HLCS: variants seen among roughly 807,000 people sequenced by gnomAD.
The protein encoded by HLCS is biotin--protein ligase.
Under a neutral mutation model 75.0 loss-of-function variants are expected in HLCS, and 53 were observed. That is an observed-to-expected ratio of 0.71 (90% confidence interval 0.57 to 0.89). HLCS has a LOEUF of 0.89. HLCS is among the 40% of genes least tolerant of loss of function. The pLI is 0.00. For missense variants in HLCS, 966 were observed against 1,074.0 expected (o/e 0.90, Z 1.41); for synonymous variants, 431 against 428.6 (o/e 1.01, Z -0.07).
chr21:36,756,626 G>A lies in HLCS; in HGVS notation c.2366C>T (p.Thr789Ile), dbSNP rs1274967143. ...RADYLIARVVTVLEKLIKEFQ... is the reference protein window; with the variant it reads ...RADYLIARVVIVLEKLIKEFQ... Reference sequence around the variant, plus strand: ...CTCTTTGATCAGTTTCTCCAGCACAGTCACGACTCTGGCGATGAGATAATC... The same window carrying A: ...CTCTTTGATCAGTTTCTCCAGCACAATCACGACTCTGGCGATGAGATAATC... The change falls in exon 10 of 11, where the codon ACT becomes ATT. Residue 789 changes from threonine (T) to isoleucine (I), a missense_variant. Physicochemically the swap from Thr to Ile is moderately conservative, Grantham distance 89. Transcript: ENST00000674895. 6.2e-7 allele frequency: 1 copy of A among 1,614,180 alleles called. No homozygotes were observed. Among genetic ancestry groups the A allele is most frequent in the Admixed American group, 1.7e-5 (1 of 60,028 alleles).
At chr21:36,762,707 G>A (rs922290378) in intron 8 of HLCS, among the ~76,000 whole-genome samples, 2 of 152,218 alleles carry the variant, frequency 1.3e-5, no homozygotes, top group Non-Finnish European at 2.9e-5. Flanking sequence ...GTAGCTGACT[G>A]CAGAAGAGGG....
At chr21:36,756,270 C>G (rs1317750927) in intron 10 of HLCS, among the ~76,000 whole-genome samples, 1 of 150,210 alleles carries the variant, frequency 6.7e-6, no homozygotes, top group Non-Finnish European at 1.5e-5. Flanking sequence ...AACCCCACCT[C>G]CACTAAAAAT....
chr21:36,786,888 C>T (rs1216243410), intron 6 of HLCS, among the ~76,000 whole-genome samples: 10 of 152,208 alleles, frequency 6.6e-5, no homozygotes, highest in Admixed American at 6.5e-4. Context: ...GATATGAGGC[C>T]TTGGGCCTCT....
At chr21:36,892,602 G>A (rs1020381793) in intron 6 of HLCS, among the ~76,000 whole-genome samples, 4 of 152,212 alleles carry the variant, frequency 2.6e-5, no homozygotes, top group African/African-American at 7.2e-5. Flanking sequence ...CCTTGAGGAA[G>A]AGGTGAGAGT....
intron 6 of HLCS, among the ~76,000 whole-genome samples, chr21:36,810,241 G>A (rs188045237): frequency 8.5e-5 from 13 of 152,326 alleles, no homozygotes; most frequent in Non-Finnish European, 1.3e-4. Context: ...TTGGGATTTT[G>A]CGATTTTTCT....
chr21:36,937,231 C>A lies in HLCS; in HGVS notation c.655G>T (p.Glu219Ter), dbSNP rs1411221306. 6.2e-7 allele frequency: 1 copy of A among 1,614,102 alleles called. No individual in the cohort carries two copies. The highest frequency in any genetic ancestry group is 1.7e-5 in the Admixed American group (1 of 60,024). The change falls in exon 4 of 11, where the codon GAA becomes TAA. Residue 219 changes from glutamate to a stop codon, truncating the protein, a stop_gained. Transcript: ENST00000674895. LOFTEE classifies it high-confidence loss of function. ...GCACTGCCTCTCCTTTGTTTGGGTT[C>A]TTCACCAAGAGCCTTTGGGTCATCT... The part of the protein sequence containing the change: ...GRDDPKALGE[E>*]PKQRRGSASG...
intron 1 of HLCS, among the ~76,000 whole-genome samples, chr21:36,979,272 C>CA (rs35662012): frequency 0.015 from 1,662 of 109,128 alleles, 29 homozygotes; most frequent in African/African-American, 0.049. Flanking sequence ...GACTCAGTCT[C>CA]AAAAAAAAAA....
At chr21:36,922,250 T>C (rs541166047) in intron 5 of HLCS, among the ~76,000 whole-genome samples, 2 of 152,228 alleles carry the variant, frequency 1.3e-5, no homozygotes, top group African/African-American at 2.4e-5. Context: ...AAATATTTAT[T>C]TTAATTGACA....
At chr21:36,923,669 C>A (rs955909928) in intron 5 of HLCS, among the ~76,000 whole-genome samples, 1 of 152,170 alleles carries the variant, frequency 6.6e-6, no homozygotes, top group Non-Finnish European at 1.5e-5. Context: ...AAACAAGATT[C>A]AAGTAAAAAG....
In HLCS at chr21:36,782,734, C is replaced by T. The variant is rs565928193; in HGVS notation, c.1893-15449G>A. On this transcript the variant is annotated intron_variant, in intron 6 of 10. Transcript: ENST00000674895. ...CTGTAATCCCAGCACTTTTGGAGGC[C>T]GAGGCAGGTGGATCACCTGAGGTCA... 5.3e-5 allele frequency among the ~76,000 whole-genome samples: 8 copies of T among 152,144 alleles called. No individual in the cohort carries two copies. The South Asian group carries it at 1.7e-3, about 32-fold the overall frequency.
intron 6 of HLCS, among the ~76,000 whole-genome samples, chr21:36,847,609 A>AT (rs1287216425): frequency 1.3e-5 from 2 of 152,244 alleles, no homozygotes; most frequent in Admixed American, 6.5e-5. Flanking sequence ...TAAAACCAAA[A>AT]TAACATTTGG....
chr21:36,942,758 T>C (rs2067207519), intron 2 of HLCS, among the ~76,000 whole-genome samples: 1 of 151,250 alleles, frequency 6.6e-6, no homozygotes, highest in African/African-American at 2.4e-5. Flanking sequence ...AAAAAGACAA[T>C]CCAATTTAAA....
At chr21:36,900,398 G>T (rs762270775) in intron 5 of HLCS, among the ~76,000 whole-genome samples, 79 of 152,252 alleles carry the variant, frequency 5.2e-4, no homozygotes, top group Non-Finnish European at 9.4e-4. Flanking sequence ...GAAAGAGCCT[G>T]ATCAGGGCAC....
intron 6 of HLCS, among the ~76,000 whole-genome samples, chr21:36,781,019 T>G (rs570317071): frequency 4.2e-5 from 6 of 144,398 alleles, no homozygotes; most frequent in African/African-American, 1.5e-4. Context: ...CCTCTGTATT[T>G]ACAGCCGCTC....
At chr21:36,784,167 G>A (rs955648531) in intron 6 of HLCS, among the ~76,000 whole-genome samples, 1 of 152,112 alleles carries the variant, frequency 6.6e-6, no homozygotes, top group Non-Finnish European at 1.5e-5. Context: ...CTGCTGATAA[G>A]TGGAAGCTAC....
chr21:36,972,046 C>A (rs1259813009), intron 1 of HLCS: 1 of 151,872 alleles, frequency 6.6e-6, no homozygotes, highest in East Asian at 1.9e-4. Flanking sequence ...ATACAAAGAC[C>A]CTAAAGCTGG....
At chr21:36,874,586 C>T (rs1375034499) in intron 6 of HLCS, among the ~76,000 whole-genome samples, 2 of 152,216 alleles carry the variant, frequency 1.3e-5, no homozygotes, top group Non-Finnish European at 2.9e-5. Flanking sequence ...TCTCCACCAA[C>T]TTTGTTCTAA....
chr21:36,968,999 G>A (rs185763670), upstream of HLCS, among the ~76,000 whole-genome samples: 1 of 152,232 alleles, frequency 6.6e-6, no homozygotes, highest in Non-Finnish European at 1.5e-5. Flanking sequence ...TACATTTTGG[G>A]GTCAATCCTG....
chr21:36,887,580 T>C (rs935713708), intron 6 of HLCS, among the ~76,000 whole-genome samples: 20 of 152,150 alleles, frequency 1.3e-4, no homozygotes, highest in African/African-American at 4.6e-4. Flanking sequence ...CAAAAAAAAT[T>C]TGATGGAGAA....
Sources: gnomAD v4.1 joint callset for allele counts (sites outside exome capture counted in the v4.1 genomes callset) on GRCh38, gnomAD v4.1.1 for gene constraint, MANE v1.5 for transcripts, NCBI Gene and HGNC (gene_info 2026-07-23, HGNC 2026-07-21) for gene names.